The following BTN2A1 variants were observed in gnomAD, a reference collection of about 807,000 sequenced individuals.
The protein encoded by BTN2A1 is butyrophilin subfamily 2 member A1, also known as butyrophilin, subfamily 2, member A1.
BTN2A1 carries 41 observed loss-of-function variants against 34.5 expected under a neutral mutation model. That is an observed-to-expected ratio of 1.19 (90% confidence interval 0.93 to 1.54). BTN2A1 has a LOEUF of 1.54. Ranked by LOEUF, BTN2A1 falls within the 40% of genes most tolerant of loss-of-function variation. The pLI, the probability that BTN2A1 is intolerant of heterozygous loss-of-function variation, is 0.00. For synonymous variants in BTN2A1, 267 were observed against 258.6 expected (o/e 1.03, Z -0.31); for missense variants, 642 against 662.0 (o/e 0.97, Z 0.33).
chr6:26,474,757 C>CTTTTT (rs11445433), intron 7 of BTN2A1, among the ~76,000 whole-genome samples: 1 of 142,440 alleles, frequency 7.0e-6, no homozygotes, highest in African/African-American at 2.6e-5. Flanking sequence ...GCAAAGACTC[C>CTTTTT]TTTTTTTTTT....
chr6:26,463,253 C>T lies in BTN2A1; in HGVS notation c.440C>T (p.Ser147Phe). ...ILHLVVAGLG[S>F]KPLISMRGHE... ...TGATATCTCTCCACAGGACTAGGCT[C>T]TAAGCCCCTCATTTCAATGAGGGGC... Residue 147 changes from serine to phenylalanine, a missense_variant, in exon 4 of 8, where the codon TCT becomes TTT. Transcript: ENST00000312541. 6.2e-7 allele frequency: 1 copy of T among 1,604,986 alleles called. No homozygotes were observed. Among genetic ancestry groups the T allele is most frequent in the Non-Finnish European group, 8.5e-7 (1 of 1,175,678 alleles).
rs1289102096 is a variant in BTN2A1 at position 26,468,100 on chromosome 6, G to C, written c.1135G>C (p.Glu379Gln). The change falls in exon 8 of 8, where the codon GAG becomes CAG. Residue 379 changes from glutamate to glutamine, a missense_variant. Transcript: ENST00000312541. The part of the protein sequence containing the change: ...FDSQPCVLGR[E>Q]SFASGKHYWE... ...CAGTCAGCCTTGTGTCCTAGGCCGG[G>C]AGAGCTTCGCTTCAGGGAAACATTA... is the stretch of plus-strand genomic sequence containing the variant. 1 of 1,614,112 alleles carries C rather than the reference G, an allele frequency of 6.2e-7. No individual in the cohort carries two copies. Among genetic ancestry groups the C allele is most frequent in the Non-Finnish European group, 8.5e-7 (1 of 1,180,046 alleles).
intron 4 of BTN2A1, among the ~76,000 whole-genome samples, chr6:26,464,866 G>A (rs1763265928): frequency 6.6e-6 from 1 of 152,206 alleles, no homozygotes; most frequent in Non-Finnish European, 1.5e-5. Context: ...AGAATAAGAA[G>A]GAGGGCACCG....
chr6:26,473,470 A>G (rs1165696946), downstream of BTN2A1, among the ~76,000 whole-genome samples: 2 of 152,226 alleles, frequency 1.3e-5, no homozygotes, highest in Non-Finnish European at 2.9e-5. Context: ...TAATTCGGTA[A>G]TGGATCTGAG....
intron 3 of BTN2A1, 114 bp downstream of exon 3, chr6:26,459,942 C>CCACAAGGAGATTCCACAGGGA (rs11267390): frequency 6.2e-6 from 6 of 961,422 alleles, no homozygotes; most frequent in Non-Finnish European, 9.1e-6. Flanking sequence ...ACTCCCTTTT[C>CCACAAGGAGATTCCACAGGGA]CACTCTCCCT....
Position 26,468,485 on chromosome 6 carries a change from A to G in BTN2A1, c.1520A>G (p.Asn507Ser), listed in dbSNP as rs149725979. The G allele has an allele frequency of 1.7e-3, 2,747 of 1,614,084 alleles. 3 individuals are homozygous for G. The highest frequency in any genetic ancestry group is 2.0e-3 in the Non-Finnish European group (2,390 of 1,179,982). The change falls in exon 8 of 8, where the codon AAT becomes AGT. Residue 507 changes from asparagine to serine, a missense_variant. Physicochemically the swap from Asn to Ser is conservative, Grantham distance 46 (BLOSUM62 1). Coordinates refer to ENST00000312541, the MANE Select transcript of BTN2A1 (RefSeq NM_007049.5). ...IFICPALTGA[N>S]GVTVPEEGLT... Reference sequence around the variant, plus strand: ...ATCTGCCCTGCACTCACAGGAGCCAATGGGGTCACGGTGCCTGAAGAGGGC... The same window carrying G: ...ATCTGCCCTGCACTCACAGGAGCCAGTGGGGTCACGGTGCCTGAAGAGGGC...
At chr6:26,458,536 A>G in intron 1 of BTN2A1, 71 bp from the exon 2 acceptor site, 2 of 1,248,590 alleles carry the variant, frequency 1.6e-6, no homozygotes, top group Non-Finnish European at 2.3e-6. Flanking sequence ...TACTTGAGTG[A>G]CGGGAGAGGT....
rs1347653287 is a variant in BTN2A1 at position 26,465,195 on chromosome 6, G to A, written c.723G>A (p.Met241Ile). The A allele has an allele frequency of 1.2e-6, 2 of 1,613,836 alleles. No individual in the cohort carries two copies. Among genetic ancestry groups the A allele is most frequent in the Non-Finnish European group, 1.7e-6 (2 of 1,179,824 alleles). Residue 241 changes from methionine (M) to isoleucine (I), a missense_variant, in exon 5 of 8, where the codon ATG becomes ATA. Coordinates refer to ENST00000312541, the MANE Select transcript of BTN2A1 (RefSeq NM_007049.5). ...ESVIFIPESFMPSVSPCAVAL... is the reference protein window; with the variant it reads ...ESVIFIPESFIPSVSPCAVAL... ...TGGCTGCCTTTTCAGAATCCTTTAT[G>A]CCCAGTGTGTCTCCCTGTGCAGTGG... is the stretch of plus-strand genomic sequence containing the variant.
chr6:26,465,316 G>T lies in BTN2A1; in HGVS notation c.844G>T (p.Glu282Ter), dbSNP rs200239130. The T allele has an allele frequency of 6.2e-7, 1 of 1,614,146 alleles. No individual in the cohort carries two copies. Among genetic ancestry groups the T allele is most frequent in the African/African-American group, 1.3e-5 (1 of 75,022 alleles). ...AAAGGAAAAAAAGATTCTGTCAGGG[G>T]AAAAGGAGTTTGAACGGGAAACAAG... ...LQKEKKILSG[E>*]KEFERETREI... The change falls in exon 5 of 8, where the codon GAA (glutamate) becomes TAA (stop). Residue 282 changes from glutamate (E) to a stop codon, truncating the protein, a stop_gained. Coordinates refer to ENST00000312541, the MANE Select transcript of BTN2A1 (RefSeq NM_007049.5). LOFTEE classifies it high-confidence loss of function.
Position 26,458,337 on chromosome 6 carries a change from G to A in BTN2A1, c.-31+195G>A, listed in dbSNP as rs2393661. 1.6e-4 allele frequency among the ~76,000 whole-genome samples: 25 copies of A among 152,286 alleles called. 1 individual carries two copies. In the Middle Eastern group the frequency reaches 0.01, roughly 63 times the overall value. ...GAGGAAGTGAAGGGAGGAGGGTGTG[G>A]TAGAATCCAGCGACAACTGAAGAAA... On this transcript the variant is annotated intron_variant, in intron 1 of 7. Transcript: ENST00000312541.
chr6:26,468,501 T>C lies in BTN2A1; in HGVS notation c.1536T>C (p.Pro512=), dbSNP rs1349895171. The C allele has an allele frequency of 1.9e-6, 3 of 1,614,114 alleles. No homozygotes were observed. In the African/African-American group the frequency reaches 4.0e-5, roughly 22 times the overall value. ...CAGGAGCCAATGGGGTCACGGTGCC[T>C]GAAGAGGGCCTGACACTTCACAGAG... ...ALTGANGVTV[P]EEGLTLHRVG... is the part of the protein sequence containing the mutation. The change falls in exon 8 of 8, where the codon CCT becomes CCC. Residue 512 remains proline (P), a synonymous_variant. Transcript: ENST00000312541.
intron 7 of BTN2A1, chr6:26,467,678 A>G (rs1375026965): frequency 1.3e-5 from 20 of 1,547,142 alleles, no homozygotes; most frequent in Non-Finnish European, 1.8e-5. Context: ...TATAAGAATG[A>G]TTGATTTTAC....
intron 7 of BTN2A1, among the ~76,000 whole-genome samples, chr6:26,467,348 G>A (rs1581675178): frequency 6.6e-6 from 1 of 152,332 alleles, no homozygotes; most frequent in East Asian, 1.9e-4. Context: ...GTCTTGCTCT[G>A]TCACCCAGGC....
chr6:26,459,594 T>G lies in BTN2A1; in HGVS notation c.196T>G (p.Trp66Gly). 6.2e-7 allele frequency: 1 copy of G among 1,613,526 alleles called. No homozygotes were observed. The highest frequency in any genetic ancestry group is 8.5e-7 in the Non-Finnish European group (1 of 1,179,852). The change falls in exon 3 of 8, where the codon TGG becomes GGG. Residue 66 changes from tryptophan to glycine, a missense_variant. By Grantham distance (184) the Trp-to-Gly change is radical. Coordinates refer to ENST00000312541, the MANE Select transcript of BTN2A1 (RefSeq NM_007049.5). ...EKNAEDMEVR[W>G]FRSQFSPAVF... ...AAATGCTGAGGACATGGAGGTGCGG[T>G]GGTTCCGGTCTCAGTTCTCCCCCGC...
chr6:26,476,328 C>A, exon 8 of BTN2A1: 1 of 790,932 alleles, frequency 1.3e-6, no homozygotes, highest in Non-Finnish European at 2.2e-6. Context: ...TAGGCTGAAG[C>A]TCCTGACAGA....
Position 26,459,758 on chromosome 6 carries a change from C to T in BTN2A1, c.360C>T (p.Asn120=), listed in dbSNP as rs769886401. 30 of 1,614,030 alleles carry T rather than the reference C, an allele frequency of 1.9e-5. No individual in the cohort carries two copies. The highest frequency in any genetic ancestry group is 5.0e-5 in the Admixed American group (3 of 59,998). The stretch of plus-strand genomic sequence containing the variant: ...TACACAACATCACAGCCCAGGAAAA[C>T]GGCACCTACCGCTGTTACTTCCAAG... The part of the protein sequence containing the change: ...LVIHNITAQE[N]GTYRCYFQEG... The change falls in exon 3 of 8, where the codon AAC becomes AAT. Residue 120 remains asparagine (N), a synonymous_variant. Coordinates refer to ENST00000312541, the MANE Select transcript of BTN2A1 (RefSeq NM_007049.5).
chr6:26,458,675 C>A lies in BTN2A1; in HGVS notation c.39C>A (p.Ala13=). The change falls in exon 2 of 8, where the codon GCC becomes GCA. Residue 13 remains alanine (A), a synonymous_variant. Coordinates refer to ENST00000312541, the MANE Select transcript of BTN2A1 (RefSeq NM_007049.5). ...CTGCCCTGCACTTCTCCCGGCCAGC[C>A]TCCCTCCTCCTCCTCCTCCTCAGCC... ...SAAALHFSRP[A]SLLLLLLSLC... 1 of 1,613,640 alleles carries A rather than the reference C, an allele frequency of 6.2e-7. No homozygotes were observed. The highest frequency in any genetic ancestry group is 8.5e-7 in the Non-Finnish European group (1 of 1,179,640).
chr6:26,467,095 G>A (rs549244513), intron 7 of BTN2A1, among the ~76,000 whole-genome samples: 1 of 152,250 alleles, frequency 6.6e-6, no homozygotes, highest in South Asian at 2.1e-4. Context: ...GGGTGCCCTT[G>A]TTAGTCATTT....
Position 26,467,936 on chromosome 6 carries a change from C to T in BTN2A1, c.983-12C>T, listed in dbSNP as rs376062304. The T allele has an allele frequency of 6.2e-7, 1 of 1,607,584 alleles. No homozygotes were observed. The highest frequency in any genetic ancestry group is 1.7e-5 in the Admixed American group (1 of 59,668). The stretch of plus-strand genomic sequence containing the variant: ...TGAGACCCCAGGCCTAAACCTGAGA[C>T]TTCCTCTGCAGTTGATGTGGTCCTG... On this transcript the variant is annotated splice_polypyrimidine_tract_variant and intron_variant, in intron 7 of 7. Transcript: ENST00000312541.
Sources: allele counts gnomAD v4.1 joint callset (sites outside exome capture counted in the v4.1 genomes callset), GRCh38; gene constraint gnomAD v4.1.1; transcripts MANE v1.5; gene names NCBI Gene and HGNC (gene_info 2026-07-23, HGNC 2026-07-21).